MTUS2: variants seen among roughly 807,000 people sequenced by gnomAD.
The protein encoded by MTUS2 is microtubule-associated tumor suppressor candidate 2.
A neutral mutation model predicts 114.1 loss-of-function variants in MTUS2; 40 were observed. That is an observed-to-expected ratio of 0.35 (90% CI 0.27 to 0.46). MTUS2 has a LOEUF of 0.46. MTUS2 is among the 20% of genes least tolerant of loss of function. The pLI, the probability that MTUS2 is intolerant of heterozygous loss-of-function variation, is 1.00. For synonymous variants in MTUS2, 688 were observed against 672.0 expected (o/e 1.02, Z -0.37); for missense variants, 1,679 against 1,705.4 (o/e 0.98, Z 0.27).
chr13:29,262,875 G>A (rs1362128244), intron 5 of MTUS2, among the ~76,000 whole-genome samples: 3 of 152,140 alleles, frequency 2.0e-5, no homozygotes, highest in Non-Finnish European at 4.4e-5. Context: ...TGGGAATCTT[G>A]AAGAAATGAC....
At chr13:29,309,726 C>T in intron 6 of MTUS2, among the ~76,000 whole-genome samples, 1 of 151,962 alleles carries the variant, frequency 6.6e-6, no homozygotes, top group East Asian at 1.9e-4. Context: ...CTAAGAAATA[C>T]CATTTTGCAT....
intron 7 of MTUS2, among the ~76,000 whole-genome samples, chr13:29,348,110 A>G (rs897043185): frequency 9.9e-5 from 15 of 152,140 alleles, no homozygotes; most frequent in Non-Finnish European, 2.1e-4. Flanking sequence ...TCTTAACTCA[A>G]TCTCCAGCCC....
intron 7 of MTUS2, among the ~76,000 whole-genome samples, chr13:29,331,269 T>G (rs1900766023): frequency 6.6e-6 from 1 of 152,180 alleles, no homozygotes; most frequent in Non-Finnish European, 1.5e-5. Flanking sequence ...ATGCTTGTGA[T>G]TTTTGCACAT....
At chr13:29,264,447 T>C (rs1897593310) in intron 5 of MTUS2, among the ~76,000 whole-genome samples, 1 of 152,240 alleles carries the variant, frequency 6.6e-6, no homozygotes, top group South Asian at 2.1e-4. Context: ...CCCCAGGCAG[T>C]GCCCCATTGG....
intron 2 of MTUS2, among the ~76,000 whole-genome samples, chr13:28,900,723 A>G (rs1277720174): frequency 1.3e-5 from 2 of 152,238 alleles, no homozygotes; most frequent in Non-Finnish European, 2.9e-5. Context: ...TAAAGCTGTT[A>G]CGAACATACA....
At chr13:29,111,704 G>A (rs1219584366) in intron 5 of MTUS2, among the ~76,000 whole-genome samples, 1 of 152,094 alleles carries the variant, frequency 6.6e-6, no homozygotes, top group African/African-American at 2.4e-5. Flanking sequence ...CATCTTCTGG[G>A]AAGGTTCGCA....
intron 4 of MTUS2, among the ~76,000 whole-genome samples, chr13:29,057,899 G>T (rs548220928): frequency 1.7e-4 from 26 of 151,990 alleles, no homozygotes; most frequent in Non-Finnish European, 3.4e-4. Context: ...TATTGTCAAT[G>T]GTCTATGTTC....
chr13:28,989,167 G>A (rs1320817262), intron 2 of MTUS2, among the ~76,000 whole-genome samples: 2 of 152,128 alleles, frequency 1.3e-5, no homozygotes, highest in Non-Finnish European at 2.9e-5. Context: ...TAAAATTTGT[G>A]AAGCTAGTGG....
chr13:28,889,831 A>G (rs1495934), intron 2 of MTUS2, among the ~76,000 whole-genome samples: 22,629 of 152,062 alleles, frequency 0.15, 1,938 homozygotes, highest in African/African-American at 0.21. Flanking sequence ...TAGTGTATGC[A>G]TGTGTTTTCT....
At chr13:29,444,274 T>A (rs112710747) in intron 9 of MTUS2, among the ~76,000 whole-genome samples, 16,280 of 151,886 alleles carry the variant, frequency 0.11, 1,372 homozygotes, top group African/African-American at 0.24. Context: ...AAATAAAAAT[T>A]AAAAATTAGC....
intron 4 of MTUS2, among the ~76,000 whole-genome samples, chr13:29,095,776 A>G (rs1890152668): frequency 9.6e-6 from 1 of 104,372 alleles, no homozygotes. Context: ...TTAATATTTC[A>G]TTTTAGTTAT....
chr13:28,989,829 G>C (rs1181889765), intron 2 of MTUS2, among the ~76,000 whole-genome samples: 1 of 144,580 alleles, frequency 6.9e-6, no homozygotes, highest in Non-Finnish European at 1.5e-5. Context: ...GTCAGGCTTT[G>C]GGCCTTTTTT....
chr13:29,263,034 T>G lies in MTUS2; in HGVS notation c.2645-18670T>G, dbSNP rs552687978. Among the ~76,000 whole-genome samples, 228 of 152,352 alleles carry G rather than the reference T, an allele frequency of 1.5e-3. 1 individual carries two copies. The highest frequency in any genetic ancestry group is 5.3e-3 in the African/African-American group (222 of 41,584). ...CTAATGACGGAAGGTAAACAAGCCA[T>G]TTAACAAAAGAGGATTAATTTGTTT... On this transcript the variant is annotated intron_variant, in intron 5 of 15. Transcript: ENST00000612955.
At chr13:29,459,205 A>G (rs530708319) in intron 9 of MTUS2, among the ~76,000 whole-genome samples, 1 of 152,306 alleles carries the variant, frequency 6.6e-6, no homozygotes, top group East Asian at 1.9e-4. Context: ...ACAATTATTC[A>G]CAAAATAAAG....
chr13:29,436,037 G>A (rs1321971965), intron 8 of MTUS2, among the ~76,000 whole-genome samples: 3 of 152,180 alleles, frequency 2.0e-5, no homozygotes, highest in African/African-American at 7.2e-5. Flanking sequence ...CAACACCCAG[G>A]ACACAGACAG....
At chr13:29,216,147 T>A (rs764438249) in intron 5 of MTUS2, among the ~76,000 whole-genome samples, 3 of 152,218 alleles carry the variant, frequency 2.0e-5, no homozygotes, top group Non-Finnish European at 2.9e-5. Context: ...TTCCACCCAG[T>A]CCAAACTTTC....
chr13:29,234,184 T>A (rs1896444967), intron 5 of MTUS2, among the ~76,000 whole-genome samples: 1 of 152,184 alleles, frequency 6.6e-6, no homozygotes, highest in African/African-American at 2.4e-5. Context: ...ATAATTGATT[T>A]CGATTTTTCA....
chr13:29,496,615 T>C lies in MTUS2; in HGVS notation c.3580-623T>C, dbSNP rs917599810. On this transcript the variant is annotated intron_variant, in intron 12 of 15. Transcript: ENST00000612955. The surrounding 1 kb of genome is among the most constrained non-coding windows in gnomAD (Gnocchi z 4.3). ...CATTAGAAAGAGTGCCTGACTGCAG[T>C]GTGAGGGCAAAAGAGTGGTAATTCA... 2.0e-5 allele frequency among the ~76,000 whole-genome samples: 3 copies of C among 151,726 alleles called. No homozygotes were observed. Among genetic ancestry groups the C allele is most frequent in the African/African-American group, 7.3e-5 (3 of 41,268 alleles).
intron 2 of MTUS2, among the ~76,000 whole-genome samples, chr13:28,967,702 C>A (rs1883661105): frequency 6.6e-6 from 1 of 152,158 alleles, no homozygotes; most frequent in Non-Finnish European, 1.5e-5. Context: ...TCCCCCTTCT[C>A]AAGTCAGCCA....
Sources: allele counts gnomAD v4.1 joint callset (sites outside exome capture counted in the v4.1 genomes callset), GRCh38; gene constraint gnomAD v4.1.1; non-coding constraint Gnocchi (gnomAD v3.1); transcripts MANE v1.5; gene names NCBI Gene and HGNC (gene_info 2026-07-23, HGNC 2026-07-21).